The following GMDS variants were observed in gnomAD, a reference collection of about 807,000 sequenced individuals.
GMDS encodes GDP-mannose 4,6-dehydratase.
Under a neutral mutation model 49.9 loss-of-function variants are expected in GMDS, and 20 were observed. The ratio of observed to expected loss-of-function variants is 0.40; its 90% CI spans 0.28 to 0.58. The LOEUF (loss-of-function observed/expected upper bound fraction) is 0.58. Among genes scored for constraint, GMDS ranks in the 20% least tolerant of loss-of-function variants. The pLI, the probability that GMDS is intolerant of heterozygous loss-of-function variation, is 0.42. For missense variants in GMDS, 362 were observed against 481.4 expected (o/e 0.75, Z 2.32); for synonymous variants, 177 against 178.6 (o/e 0.99, Z 0.07).
chr6:1,649,731 C>T (rs1239555649), intron 9 of GMDS, among the ~76,000 whole-genome samples: 1 of 152,246 alleles, frequency 6.6e-6, no homozygotes, highest in Non-Finnish European at 1.5e-5. Flanking sequence ...TCTTTCCAAA[C>T]TGTCTCTTCT....
chr6:1,661,365 A>C (rs1368606322), intron 9 of GMDS, among the ~76,000 whole-genome samples: 2 of 152,204 alleles, frequency 1.3e-5, no homozygotes, highest in Non-Finnish European at 2.9e-5. Flanking sequence ...ATACCTCAAC[A>C]TTTAAGCAGC....
intron 4 of GMDS, among the ~76,000 whole-genome samples, chr6:2,001,067 G>C (rs1387412155): frequency 1.3e-5 from 2 of 152,166 alleles, no homozygotes; most frequent in African/African-American, 4.8e-5. Flanking sequence ...AAGAACTACA[G>C]ACTGTTTGCA....
chr6:1,911,487 G>T (rs6919530), intron 7 of GMDS, among the ~76,000 whole-genome samples: 9 of 151,228 alleles, frequency 6.0e-5, no homozygotes, highest in African/African-American at 2.2e-4. Flanking sequence ...CTGTCAAACA[G>T]GAAAAAAATG....
chr6:1,993,519 A>T (rs1049542333), intron 4 of GMDS, among the ~76,000 whole-genome samples: 1 of 152,250 alleles, frequency 6.6e-6, no homozygotes, highest in Admixed American at 6.5e-5. Flanking sequence ...CTGCTAAAAG[A>T]AAAAAGAAAA....
chr6:1,764,664 A>G (rs1768280791), intron 7 of GMDS, among the ~76,000 whole-genome samples: 1 of 152,214 alleles, frequency 6.6e-6, no homozygotes. Context: ...TCAAGATATG[A>G]TGTGATAATT....
intron 9 of GMDS, among the ~76,000 whole-genome samples, chr6:1,699,900 G>A (rs1765480660): frequency 6.6e-6 from 1 of 152,230 alleles, no homozygotes; most frequent in Admixed American, 6.5e-5. Context: ...CAGCTGAGGG[G>A]CACACACAGC....
chr6:1,756,771 C>T (rs909342404), intron 7 of GMDS, among the ~76,000 whole-genome samples: 2 of 152,224 alleles, frequency 1.3e-5, no homozygotes, highest in African/African-American at 4.8e-5. Flanking sequence ...TCCAGCTAAG[C>T]GTTCTGACAT....
intron 9 of GMDS, among the ~76,000 whole-genome samples, chr6:1,698,742 C>T (rs1581474356): frequency 6.6e-6 from 1 of 151,574 alleles, no homozygotes; most frequent in African/African-American, 2.4e-5. Context: ...AGAGGGCGGC[C>T]TCCAGTGGCA....
intron 9 of GMDS, among the ~76,000 whole-genome samples, chr6:1,657,722 C>T (rs917108038): frequency 2.2e-4 from 33 of 152,088 alleles, no homozygotes; most frequent in Admixed American, 1.1e-3. Context: ...AAATGACAGT[C>T]GGGGGCAGGT....
At chr6:1,686,233 C>A (rs554360039) in intron 9 of GMDS, among the ~76,000 whole-genome samples, 22 of 152,318 alleles carry the variant, frequency 1.4e-4, no homozygotes, top group African/African-American at 4.8e-4. Flanking sequence ...CTTTCCCGCA[C>A]AACAGTGTAG....
chr6:1,940,631 G>A (rs1174876297), intron 6 of GMDS, among the ~76,000 whole-genome samples: 1 of 152,186 alleles, frequency 6.6e-6, no homozygotes, highest in Non-Finnish European at 1.5e-5. Flanking sequence ...AATCCAATAG[G>A]CACGTTTAAA....
chr6:2,192,513 A>C (rs1581776095), intron 1 of GMDS, among the ~76,000 whole-genome samples: 1 of 152,216 alleles, frequency 6.6e-6, no homozygotes, highest in Admixed American at 6.5e-5. Flanking sequence ...TGGTCCTTCA[A>C]GGAGCCCTGA....
At chr6:1,758,974 G>T (rs1223883841) in intron 7 of GMDS, among the ~76,000 whole-genome samples, 2 of 152,170 alleles carry the variant, frequency 1.3e-5, no homozygotes, top group African/African-American at 4.8e-5. Context: ...CCAGGCTGGA[G>T]TGTAGTGGCA....
In GMDS at chr6:2,237,638, C is replaced by T. The variant is rs1408479412; in HGVS notation, c.102+7683G>A. Among the ~76,000 whole-genome samples, 4 of 151,216 alleles carry T rather than the reference C, an allele frequency of 2.6e-5. No individual in the cohort carries two copies. In the East Asian group the frequency reaches 7.8e-4, roughly 30 times the overall value. ...CCGGGTTCAAGCGATTCTCCTGCCTCAGCCTCCCGAGTACTTGAGATTCCA... is the reference window on the plus strand; with the variant it reads ...CCGGGTTCAAGCGATTCTCCTGCCTTAGCCTCCCGAGTACTTGAGATTCCA... On this transcript the variant is annotated intron_variant, in intron 1 of 10. Transcript: ENST00000380815.
intron 7 of GMDS, among the ~76,000 whole-genome samples, chr6:1,870,833 T>C (rs1758699850): frequency 6.6e-6 from 1 of 152,172 alleles, no homozygotes; most frequent in Non-Finnish European, 1.5e-5. Context: ...AATGATACTT[T>C]TTTAAAACCA....
intron 1 of GMDS, among the ~76,000 whole-genome samples, chr6:2,131,025 T>C (rs1159536831): frequency 2.0e-5 from 3 of 152,190 alleles, no homozygotes; most frequent in Admixed American, 1.3e-4. Context: ...CAAGAACATG[T>C]ACAAAATTGA....
At chr6:1,866,803 C>T (rs1758463213) in intron 7 of GMDS, among the ~76,000 whole-genome samples, 1 of 152,184 alleles carries the variant, frequency 6.6e-6, no homozygotes, top group Non-Finnish European at 1.5e-5. Context: ...CACAGTGCCC[C>T]CCCGGGGTAC....
intron 1 of GMDS, among the ~76,000 whole-genome samples, chr6:2,158,707 A>G (rs1777229866): frequency 1.3e-5 from 2 of 152,202 alleles, no homozygotes. Flanking sequence ...AAAGTGGGGA[A>G]AGTTAGGATG....
chr6:1,978,353 G>A (rs1307063427), intron 4 of GMDS, among the ~76,000 whole-genome samples: 2 of 152,178 alleles, frequency 1.3e-5, no homozygotes, highest in East Asian at 3.9e-4. Flanking sequence ...CCCTGGGATG[G>A]AGTGCCTGGA....
Sources: gnomAD v4.1 joint callset for allele counts (sites outside exome capture counted in the v4.1 genomes callset) on GRCh38, gnomAD v4.1.1 for gene constraint, MANE v1.5 for transcripts, NCBI Gene and HGNC (gene_info 2026-07-23, HGNC 2026-07-21) for gene names.